Variants in TUBB4A observed in about 807,000 individuals in gnomAD.
The protein encoded by TUBB4A is tubulin beta 4A class IVa, also known as tubulin beta-4A chain.
Under a neutral mutation model 35.1 loss-of-function variants are expected in TUBB4A, and 13 were observed. The ratio of observed to expected loss-of-function variants is 0.37; its 90% confidence interval spans 0.24 to 0.59. The LOEUF is 0.59. Ranked by LOEUF, TUBB4A falls within the 20% of genes least tolerant of loss-of-function variation. The pLI, the probability that TUBB4A is intolerant of heterozygous loss-of-function variation, is 0.71. For synonymous variants in TUBB4A, 279 were observed against 272.4 expected, an observed-to-expected ratio of 1.02 and a Z score of -0.24; for missense variants, 299 against 647.2, an observed-to-expected ratio of 0.46 and a Z score of 5.84.
At position 6,496,214 on chromosome 19, in the gene TUBB4A, G is replaced by C; in HGVS notation, c.285C>G (p.Ser95=). The C allele has an allele frequency of 6.2e-7, 1 of 1,609,868 alleles. No homozygotes were observed. The highest frequency in any genetic ancestry group is 1.1e-5 in the South Asian group (1 of 90,688). Residue 95 remains serine (S), a synonymous_variant, in exon 4 of 4, where the codon TCC becomes TCG. Transcript: ENST00000264071. ...FRPDNFVFGQ[S]GAGNNWAKGH... ...CCTTTGCCCAGTTGTTGCCGGCTCC[G>C]GATTGGCCTAGAGAGGGAAGGGGAG...
chr19:6,498,756 T>C (rs1056674927), intron 3 of TUBB4A, among the ~76,000 whole-genome samples: 2 of 152,200 alleles, frequency 1.3e-5, no homozygotes, highest in Non-Finnish European at 2.9e-5. Flanking sequence ...CCGAGCCTGG[T>C]GGTTTAGACT....
At chr19:6,496,370 C>T (rs928802692) in intron 3 of TUBB4A, 149 bp from the exon 4 acceptor site, 1 of 779,606 alleles carries the variant, frequency 1.3e-6, no homozygotes, top group Non-Finnish European at 2.0e-6. Context: ...TGGCTCACAC[C>T]TGTAATCCCA....
At position 6,501,320 on chromosome 19, in the gene TUBB4A, C is replaced by T. The variant is rs1343904352; in HGVS notation, c.244G>A (p.Gly82Ser). 2.5e-6 allele frequency: 4 copies of T among 1,614,096 alleles called. No individual in the cohort carries two copies. The highest frequency in any genetic ancestry group is 3.4e-6 in the Non-Finnish European group (4 of 1,179,976). Residue 82 changes from glycine (G) to serine (S), a missense_variant, in exon 3 of 4, where the codon GGT (glycine) becomes AGT (serine). By Grantham distance (56) the Gly-to-Ser change is moderately conservative. Transcript: ENST00000264071. This position sits in a 1 kb window ranked among gnomAD's most constrained non-coding sequence, Gnocchi z 4.2. ...AAGTTGTCCGGCCGAAAGATCTGACCGAAGGGGCCAGAACGGACAGAGTCC... is the reference window on the plus strand; with the variant it reads ...AAGTTGTCCGGCCGAAAGATCTGACTGAAGGGGCCAGAACGGACAGAGTCC... ...TMDSVRSGPF[G>S]QIFRPDNFVF...
chr19:6,498,539 AT>A (rs1315610483), intron 3 of TUBB4A, among the ~76,000 whole-genome samples: 1 of 152,096 alleles, frequency 6.6e-6, no homozygotes, highest in Non-Finnish European at 1.5e-5. Context: ...GACCTGCCCC[AT>A]CCCCTCCCTC....
At position 6,496,031 on chromosome 19, in the gene TUBB4A, G is replaced by A. The variant is rs576008094; in HGVS notation, c.468C>T (p.Arg156=). ...TCATGATGCGGTCTGGGAACTCCTCGCGGATCTTACTGATGAGCAGCGTGC... is the reference window on the plus strand; with the variant it reads ...TCATGATGCGGTCTGGGAACTCCTCACGGATCTTACTGATGAGCAGCGTGC... ...GMGTLLISKI[R]EEFPDRIMNT... The change falls in exon 4 of 4, where the codon CGC becomes CGT. Residue 156 remains arginine, a synonymous_variant. Transcript: ENST00000264071. The A allele has an allele frequency of 6.8e-6, 11 of 1,614,200 alleles. No individual in the cohort carries two copies. Among genetic ancestry groups the A allele is most frequent in the South Asian group, 4.4e-5 (4 of 91,086 alleles).
intron 3 of TUBB4A, among the ~76,000 whole-genome samples, chr19:6,500,253 C>T (rs1914469396): frequency 6.6e-6 from 1 of 152,136 alleles, no homozygotes; most frequent in East Asian, 1.9e-4. Context: ...CTTAGCCTCA[C>T]GAGTAGCTGT....
At position 6,495,515 on chromosome 19, in the gene TUBB4A, C is replaced by T; in HGVS notation, c.984G>A (p.Glu328=). ...TCTTGCTCTGCACGCTCAGCATCTG[C>T]TCGTCCACCTCCTTCATGGACATGC... ...RGRMSMKEVD[E]QMLSVQSKNS... Residue 328 remains glutamate (E), a synonymous_variant, in exon 4 of 4, where the codon GAG becomes GAA. Coordinates refer to ENST00000264071, the MANE Select transcript of TUBB4A (RefSeq NM_006087.4). The surrounding 1 kb of genome is among the most constrained non-coding windows in gnomAD (Gnocchi z 8.7). 1 of 1,614,222 alleles carries T rather than the reference C, an allele frequency of 6.2e-7. No individual in the cohort carries two copies. Among genetic ancestry groups the T allele is most frequent in the South Asian group, 1.1e-5 (1 of 91,088 alleles).
chr19:6,496,352 G>A lies in TUBB4A; in HGVS notation c.278-131C>T, dbSNP rs958733805. ...CTATCAAAAATAATAACAAATAGCC[G>A]GGTGCGGTGGCTCACACCTGTAATC... On this transcript the variant is annotated intron_variant, in intron 3 of 3. Coordinates refer to ENST00000264071, the MANE Select transcript of TUBB4A (RefSeq NM_006087.4). The A allele has an allele frequency of 2.1e-5, 19 of 921,846 alleles. 1 individual carries two copies. The highest frequency in any genetic ancestry group is 1.2e-4 in the South Asian group (7 of 57,196). The allele number at this position is 921,846 out of a possible 1,614,324, so 57.1% of individuals were successfully genotyped here. A position where few individuals can be genotyped will look rare whatever the true frequency, so the allele number is the denominator to read the frequency against.
chr19:6,500,254 G>A (rs953769810), intron 3 of TUBB4A, among the ~76,000 whole-genome samples: 5 of 152,046 alleles, frequency 3.3e-5, no homozygotes, highest in African/African-American at 1.2e-4. Flanking sequence ...TTAGCCTCAC[G>A]AGTAGCTGTG....
upstream of TUBB4A, chr19:6,502,362 G>A: frequency 1.2e-6 from 1 of 843,526 alleles, no homozygotes; most frequent in Non-Finnish European, 1.7e-6. Context: ...ACGCGTCACG[G>A]CCGGTCACCC....
intron 3 of TUBB4A, among the ~76,000 whole-genome samples, chr19:6,497,815 C>G (rs754379927): frequency 1.3e-5 from 2 of 149,960 alleles, no homozygotes; most frequent in Non-Finnish European, 3.0e-5. Context: ...CGCCTGTAGT[C>G]CCAGCTACTC....
At chr19:6,499,242 A>C (rs963968097) in intron 3 of TUBB4A, among the ~76,000 whole-genome samples, 1 of 151,806 alleles carries the variant, frequency 6.6e-6, no homozygotes, top group Non-Finnish European at 1.5e-5. Context: ...GAATCGCTTG[A>C]ATCTGGGAGG....
At chr19:6,498,744 TCCC>T (rs886618722) in intron 3 of TUBB4A, among the ~76,000 whole-genome samples, 2 of 152,132 alleles carry the variant, frequency 1.3e-5, no homozygotes, top group Non-Finnish European at 2.9e-5. Flanking sequence ...TCCCTCCTCC[TCCC>T]GAGCCTGGTG....
At chr19:6,496,279 T>A (rs891078641) in intron 3 of TUBB4A, 58 bp from the exon 4 acceptor site, 41 of 1,510,146 alleles carry the variant, frequency 2.7e-5, no homozygotes, top group Middle Eastern at 1.8e-4. Flanking sequence ...AACCCTTGAC[T>A]CTGTCTCTCC....
At chr19:6,496,300 G>A (rs1300760901) in intron 3 of TUBB4A, 79 bp from the exon 4 acceptor site, 2 of 1,388,862 alleles carry the variant, frequency 1.4e-6, no homozygotes, top group African/African-American at 2.9e-5. Flanking sequence ...ACCACCTGGA[G>A]GGCCTCTAGT....
chr19:6,496,231 G>A lies in TUBB4A; in HGVS notation c.278-10C>T. ...CCGGCTCCGGATTGGCCTAGAGAGG[G>A]AAGGGGAGGGGACACACATGCAGTT... is the stretch of plus-strand genomic sequence containing the variant. On this transcript the variant is annotated splice_polypyrimidine_tract_variant and intron_variant, in intron 3 of 3. Coordinates refer to ENST00000264071, the MANE Select transcript of TUBB4A (RefSeq NM_006087.4). The A allele has an allele frequency of 1.9e-6, 3 of 1,598,788 alleles. No homozygotes were observed. Among genetic ancestry groups the A allele is most frequent in the Non-Finnish European group, 2.6e-6 (3 of 1,170,420 alleles).
intron 3 of TUBB4A, among the ~76,000 whole-genome samples, chr19:6,496,851 C>T (rs1051399520): frequency 9.6e-5 from 14 of 146,300 alleles, no homozygotes; most frequent in African/African-American, 2.2e-4. Context: ...AACACTCCCC[C>T]GCCCCCTGCC....
intron 3 of TUBB4A, among the ~76,000 whole-genome samples, chr19:6,498,940 TGTGA>T (rs1914401514): frequency 1.3e-5 from 2 of 152,092 alleles, no homozygotes; most frequent in Admixed American, 1.3e-4. Context: ...GGCCAAATGG[TGTGA>T]GTGATTTCAG....
At chr19:6,497,051 ATATATATATATAT>A (rs1914275497) in intron 3 of TUBB4A, among the ~76,000 whole-genome samples, 1 of 87,986 alleles carries the variant, frequency 1.1e-5, no homozygotes, top group African/African-American at 4.2e-5. Context: ...ATATATATAT[ATATATATATATAT>A]AAATTAGCCA....
Sources: allele counts gnomAD v4.1 joint callset (sites outside exome capture counted in the v4.1 genomes callset), GRCh38; gene constraint gnomAD v4.1.1; non-coding constraint Gnocchi (gnomAD v3.1); transcripts MANE v1.5; gene names NCBI Gene and HGNC (gene_info 2026-07-23, HGNC 2026-07-21).